The following TGM5 variants were observed in gnomAD, a reference collection of about 807,000 sequenced individuals.
TGM5 encodes protein-glutamine gamma-glutamyltransferase 5.
TGM5 carries 69 observed loss-of-function variants against 77.2 expected under a neutral mutation model. The ratio of observed to expected loss-of-function variants is 0.89; its 90% CI spans 0.74 to 1.09. The LOEUF is 1.09. Ranked by LOEUF, TGM5 falls within the 50% of genes least tolerant of loss-of-function variation. The pLI is 0.00. For synonymous variants in TGM5, 346 were observed against 351.8 expected (o/e 0.98, Z 0.18); for missense variants, 842 against 896.5 (o/e 0.94, Z 0.78).
chr15:43,242,705 T>C (rs1209227177), intron 6 of TGM5, among the ~76,000 whole-genome samples: 5 of 152,158 alleles, frequency 3.3e-5, no homozygotes, highest in Non-Finnish European at 1.5e-5. Flanking sequence ...AAAGGGAGCC[T>C]TGAGCTCGCG....
chr15:43,256,265 A>C (rs1026155236), intron 4 of TGM5, among the ~76,000 whole-genome samples: 10 of 152,178 alleles, frequency 6.6e-5, no homozygotes, highest in African/African-American at 2.4e-4. Context: ...GGGCATCATC[A>C]CTGCTGTGAT....
intron 7 of TGM5, chr15:43,239,476 G>A (rs1596442352): frequency 1.7e-6 from 1 of 593,070 alleles, no homozygotes; most frequent in African/African-American, 1.9e-5. Flanking sequence ...GAGCTCAGGA[G>A]TTCAAGATTA....
intron 1 of TGM5, among the ~76,000 whole-genome samples, chr15:43,266,514 T>G (rs2042825387): frequency 6.6e-6 from 1 of 152,004 alleles, no homozygotes; most frequent in Non-Finnish European, 1.5e-5. Context: ...CGAAGTGACT[T>G]GTCCAATGTC....
chr15:43,241,800 A>ATT (rs576466713), intron 6 of TGM5, among the ~76,000 whole-genome samples: 10 of 146,884 alleles, frequency 6.8e-5, no homozygotes, highest in African/African-American at 2.2e-4. Flanking sequence ...CACCCGGCTA[A>ATT]TTTTTTTTTT....
chr15:43,233,519 A>G (rs368723591), intron 12 of TGM5, 35 bp downstream of exon 12: 10 of 1,613,854 alleles, frequency 6.2e-6, no homozygotes, highest in East Asian at 2.2e-5. Context: ...TCAGGGGGGA[A>G]AAACAGGAGA....
intron 6 of TGM5, among the ~76,000 whole-genome samples, chr15:43,250,383 G>C (rs1047821491): frequency 2.6e-5 from 4 of 152,140 alleles, no homozygotes; most frequent in Non-Finnish European, 4.4e-5. Context: ...AGGAAACTGA[G>C]GCACAAGTTA....
At chr15:43,264,035 G>A (rs1272592664) in intron 1 of TGM5, among the ~76,000 whole-genome samples, 2 of 152,236 alleles carry the variant, frequency 1.3e-5, no homozygotes, top group African/African-American at 2.4e-5. Flanking sequence ...AAGGAGATAC[G>A]CAAAAGGCTA....
intron 4 of TGM5, 81 bp from the exon 5 acceptor site, chr15:43,253,715 C>A: frequency 6.4e-7 from 1 of 1,566,782 alleles, no homozygotes; most frequent in Non-Finnish European, 8.7e-7. Flanking sequence ...TCCCCCCAAC[C>A]CTAGTGGAAT....
At chr15:43,253,676 C>T in intron 4 of TGM5, 42 bp from the exon 5 acceptor site, 1 of 1,606,874 alleles carries the variant, frequency 6.2e-7, no homozygotes, top group East Asian at 2.2e-5. Flanking sequence ...CCATGCTTGT[C>T]ACGTGGGAGT....
chr15:43,239,136 G>A (rs1341471858), intron 8 of TGM5, 27 bp downstream of exon 8: 1 of 1,614,086 alleles, frequency 6.2e-7, no homozygotes, highest in Non-Finnish European at 8.5e-7. Context: ...CGGGAGCGGG[G>A]CCTGCCTTTC....
rs2042828324 is a variant in TGM5, at chr15:43,266,913, A to C, written c.-64T>G. ...CAGCTGGGCGGTCTGGAGCTTCAGC[A>C]AACTGGTGCCAGAGTGTCTACTTCC... is the stretch of plus-strand genomic sequence containing the variant. On this transcript the variant is annotated 5_prime_UTR_variant, in exon 1 of 13. Transcript: ENST00000220420. The C allele has an allele frequency of 6.2e-7, 1 of 1,609,484 alleles. No homozygotes were observed.
chr15:43,253,025 A>G, intron 5 of TGM5, 89 bp from the exon 6 acceptor site: 1 of 1,419,088 alleles, frequency 7.0e-7, no homozygotes, highest in Non-Finnish European at 9.8e-7. Flanking sequence ...CATGGGCCTG[A>G]GAAACAGAGG....
At chr15:43,250,242 G>C (rs1029763226) in intron 6 of TGM5, among the ~76,000 whole-genome samples, 7 of 152,140 alleles carry the variant, frequency 4.6e-5, no homozygotes, top group Non-Finnish European at 8.8e-5. Context: ...CAGACAAGAG[G>C]ACCCTAACTG....
At chr15:43,251,396 T>C (rs189036577) in intron 6 of TGM5, among the ~76,000 whole-genome samples, 1 of 152,222 alleles carries the variant, frequency 6.6e-6, no homozygotes, top group Non-Finnish European at 1.5e-5. Context: ...GGAAGTTGCA[T>C]TCTTCCAACA....
Position 43,238,994 on chromosome 15 carries a change from A to G in TGM5, c.1168T>C (p.Tyr390His). 1 of 1,614,154 alleles carries G rather than the reference A, an allele frequency of 6.2e-7. No homozygotes were observed. Among genetic ancestry groups the G allele is most frequent in the Middle Eastern group, 1.6e-4 (1 of 6,062 alleles). Residue 390 changes from tyrosine (Y) to histidine (H), a missense_variant, in exon 9 of 13, where the codon TAT (tyrosine) becomes CAT (histidine). Tyr to His is a moderately conservative substitution (Grantham distance 83). Coordinates refer to ENST00000220420, the MANE Select transcript of TGM5 (RefSeq NM_201631.4). ...AIKEGEVDLNYDTPFVFSMVN... is the reference protein window; with the variant it reads ...AIKEGEVDLNHDTPFVFSMVN... ...ATCGAAAACACAAAGGGCGTGTCAT[A>G]GTTCAGGTCCACTTCTCCTTCTTTG...
chr15:43,238,569 C>T (rs1317829842), intron 9 of TGM5, among the ~76,000 whole-genome samples: 3 of 152,220 alleles, frequency 2.0e-5, no homozygotes, highest in Non-Finnish European at 4.4e-5. Flanking sequence ...GTGAAGTATT[C>T]ATATTCTGTT....
Position 43,252,639 on chromosome 15 carries a change from G to T in TGM5, c.862+120C>A. ...CCGAGACATTTCAGAGAGGAAAAGG[G>T]CTTCCTTCCAAATGTCCCTTGGTGG... On this transcript the variant is annotated intron_variant, in intron 6 of 12. Coordinates refer to ENST00000220420, the MANE Select transcript of TGM5 (RefSeq NM_201631.4). 7.7e-6 allele frequency: 10 copies of T among 1,291,918 alleles called. No homozygotes were observed. The South Asian group carries it at 1.1e-4, about 14-fold the overall frequency. 80.0% of individuals were successfully genotyped at this position (1,291,918 alleles called of 1,614,324 possible). A position where few individuals can be genotyped will look rare whatever the true frequency, so the allele number is the denominator to read the frequency against.
In TGM5 at chr15:43,251,326, G is replaced by C. The variant is rs1051460660; in HGVS notation, c.862+1433C>G. On this transcript the variant is annotated intron_variant, in intron 6 of 12. Coordinates refer to ENST00000220420, the MANE Select transcript of TGM5 (RefSeq NM_201631.4). ...CAACTGTGCAAAGTCACTCTCTCTCGGTGGCAACACCTCCTCGTGCCCTTG... is the reference window on the plus strand; with the variant it reads ...CAACTGTGCAAAGTCACTCTCTCTCCGTGGCAACACCTCCTCGTGCCCTTG... Among the ~76,000 whole-genome samples, 15 of 152,104 alleles carry C rather than the reference G, an allele frequency of 9.9e-5. 1 individual carries two copies. The highest frequency in any genetic ancestry group is 9.8e-4 in the Admixed American group (15 of 15,282).
At chr15:43,262,312 G>A (rs1477299627) in intron 1 of TGM5, among the ~76,000 whole-genome samples, 11 of 152,196 alleles carry the variant, frequency 7.2e-5, no homozygotes. Flanking sequence ...TTAGGATGAG[G>A]TGTTCAGATG....
Sources: allele counts gnomAD v4.1 joint callset (sites outside exome capture counted in the v4.1 genomes callset), GRCh38; gene constraint gnomAD v4.1.1; transcripts MANE v1.5; gene names NCBI Gene and HGNC (gene_info 2026-07-23, HGNC 2026-07-21).